The following PAFAH1B2 variants were observed in gnomAD, a reference collection of about 807,000 sequenced individuals.
PAFAH1B2 encodes the protein platelet activating factor acetylhydrolase 1b catalytic subunit 2.
PAFAH1B2 carries 8 observed loss-of-function variants against 28.0 expected under a neutral mutation model. The observed-to-expected ratio is 0.29, with a 90% confidence interval of 0.17 to 0.52. The LOEUF (loss-of-function observed/expected upper bound fraction) is 0.52, where lower values mean the gene tolerates loss of function less well. PAFAH1B2 is among the 20% of genes least tolerant of loss of function. The pLI is 0.97. For missense variants in PAFAH1B2, 190 were observed against 282.6 expected (o/e 0.67, Z 2.35); for synonymous variants, 104 against 103.2 (o/e 1.01, Z -0.05).
downstream of PAFAH1B2, among the ~76,000 whole-genome samples, chr11:117,174,473 C>T (rs932253762): frequency 1.8e-4 from 26 of 141,912 alleles, no homozygotes; most frequent in African/African-American, 5.8e-4. Flanking sequence ...CGTGAGTCAC[C>T]GCCCCTGGCC....
Position 117,152,424 on chromosome 11 carries a change from T to C in PAFAH1B2, c.-7-17T>C, listed in dbSNP as rs1237534493. 4 of 1,513,654 alleles carry C rather than the reference T, an allele frequency of 2.6e-6. No individual in the cohort carries two copies. The highest frequency in any genetic ancestry group is 3.7e-6 in the Non-Finnish European group (4 of 1,088,654). 93.8% of individuals were successfully genotyped at this position (1,513,654 alleles called of 1,614,324 possible). On this transcript the variant is annotated splice_polypyrimidine_tract_variant and intron_variant, in intron 1 of 5. Coordinates refer to ENST00000527958, the MANE Select transcript of PAFAH1B2 (RefSeq NM_002572.4). The stretch of plus-strand genomic sequence containing the variant: ...TCCTGTTAACAAATGAAACATGACA[T>C]AGACGTTTTTTCTCAGGTGTAGAAT...
At chr11:117,158,494 A>G (rs759286267) in intron 2 of PAFAH1B2, among the ~76,000 whole-genome samples, 1 of 152,206 alleles carries the variant, frequency 6.6e-6, no homozygotes, top group Non-Finnish European at 1.5e-5. Context: ...GATATTTTCA[A>G]AGTCTGCATT....
downstream of PAFAH1B2, among the ~76,000 whole-genome samples, chr11:117,172,949 C>T (rs931065288): frequency 5.3e-5 from 8 of 152,204 alleles, no homozygotes; most frequent in East Asian, 1.9e-4. Context: ...GCAATCGGCC[C>T]GCCTTAGCCT....
At chr11:117,145,108 T>G (rs1384187785) in intron 1 of PAFAH1B2, among the ~76,000 whole-genome samples, 1 of 152,178 alleles carries the variant, frequency 6.6e-6, no homozygotes, top group African/African-American at 2.4e-5. Flanking sequence ...TAGACATGAA[T>G]GTGCTCGGAG....
chr11:117,170,980 C>T lies in PAFAH1B2; in HGVS notation c.*3281C>T. 1 of 1,049,800 alleles carries T rather than the reference C, an allele frequency of 9.5e-7. No homozygotes were observed. The highest frequency in any genetic ancestry group is 1.2e-6 in the Non-Finnish European group (1 of 869,514). The allele number at this position is 1,049,800 out of a possible 1,614,324, so 65.0% of individuals were successfully genotyped here. On this transcript the variant is annotated 3_prime_UTR_variant, in exon 6 of 6. Transcript: ENST00000527958. ...TTGTGATTTTGCTTTGGCAAAGTTTCATTGACTAGTAGAACTCATTCTGTT... is the reference window on the plus strand; with the variant it reads ...TTGTGATTTTGCTTTGGCAAAGTTTTATTGACTAGTAGAACTCATTCTGTT...
chr11:117,155,102 A>G (rs1956230352), intron 2 of PAFAH1B2, among the ~76,000 whole-genome samples: 1 of 151,788 alleles, frequency 6.6e-6, no homozygotes, highest in South Asian at 2.1e-4. Flanking sequence ...ACAGGCACCC[A>G]CCTCCATGCC....
chr11:117,176,973 T>G (rs1486678805), downstream of PAFAH1B2: 1 of 150,390 alleles, frequency 6.6e-6, no homozygotes, highest in Admixed American at 6.6e-5. Flanking sequence ...TTTGGGAGAC[T>G]GAGGTGGGTG....
Position 117,148,027 on chromosome 11 carries a change from T to C in PAFAH1B2, c.-8+3609T>C, listed in dbSNP as rs150235805. Among the ~76,000 whole-genome samples the C allele has an allele frequency of 4.0e-4, 61 of 152,060 alleles. 1 individual carries two copies. The East Asian group carries it at 6.2e-3, about 15-fold the overall frequency. ...AGTGAAACAACTTAGTAAATTAGAA[T>C]TAGAATTTATCTTTTTTCTTTTTTT... On this transcript the variant is annotated intron_variant, in intron 1 of 5. Transcript: ENST00000527958.
intron 2 of PAFAH1B2, among the ~76,000 whole-genome samples, chr11:117,155,726 A>G (rs141377990): frequency 3.2e-4 from 48 of 152,222 alleles, no homozygotes; most frequent in African/African-American, 1.1e-3. Context: ...CACTTACTAG[A>G]TTCACAAAAA....
At chr11:117,172,548 C>G (rs1296499641), downstream of PAFAH1B2, among the ~76,000 whole-genome samples, 1 of 151,782 alleles carries the variant, frequency 6.6e-6, no homozygotes, top group Non-Finnish European at 1.5e-5. Flanking sequence ...AATGTAACAT[C>G]TAACAGTCTC....
chr11:117,172,388 ATATATATATATATATATTTTT>A (rs1956685968), downstream of PAFAH1B2, among the ~76,000 whole-genome samples: 5 of 1,840 alleles, frequency 2.7e-3, no homozygotes, highest in African/African-American at 7.8e-3. Flanking sequence ...ATATATATAT[ATATATATATATATATATTTTT>A]TTTTTTTTTT....
rs1405393402 is a variant in PAFAH1B2 at position 117,159,975 on chromosome 11, T to C, written c.123T>C (p.Asp41=). The change falls in exon 3 of 6, where the codon GAT becomes GAC. Residue 41 remains aspartate, a synonymous_variant. Coordinates refer to ENST00000527958, the MANE Select transcript of PAFAH1B2 (RefSeq NM_002572.4). ...TGGACTGTAAAGACAAAGAGCCTGA[T>C]GTACTGTTCGTGGGAGACTCCATGG... The part of the protein sequence containing the change: ...FVLDCKDKEP[D]VLFVGDSMVQ... 2 of 1,614,042 alleles carry C rather than the reference T, an allele frequency of 1.2e-6. No individual in the cohort carries two copies. Among genetic ancestry groups the C allele is most frequent in the East Asian group, 2.2e-5 (1 of 44,876 alleles).
rs373116164 is a variant in PAFAH1B2 at position 117,168,680 on chromosome 11, T to TG, written c.*986dup. The TG allele has an allele frequency of 1.9e-6, 2 of 1,058,840 alleles. No homozygotes were observed. The highest frequency in any genetic ancestry group is 1.1e-6 in the Non-Finnish European group (1 of 874,766). 65.6% of individuals were successfully genotyped at this position (1,058,840 alleles called of 1,614,324 possible). A position where few individuals can be genotyped will look rare whatever the true frequency, so the allele number is the denominator to read the frequency against. ...CTTAAAACCTGTTAACAGTTTTTTT[T>TG]GGGGGTGGGGGGATTCAGAACTCTT... On this transcript the variant is annotated 3_prime_UTR_variant, in exon 6 of 6. Coordinates refer to ENST00000527958, the MANE Select transcript of PAFAH1B2 (RefSeq NM_002572.4).
At chr11:117,144,829 C>A (rs1163484113) in intron 1 of PAFAH1B2, among the ~76,000 whole-genome samples, 7 of 152,156 alleles carry the variant, frequency 4.6e-5, no homozygotes, top group African/African-American at 1.7e-4. Flanking sequence ...CGCTGCAGCT[C>A]CTGCCCGGGT....
chr11:117,156,571 G>A (rs769440152), intron 2 of PAFAH1B2, among the ~76,000 whole-genome samples: 17 of 152,164 alleles, frequency 1.1e-4, no homozygotes, highest in Non-Finnish European at 2.1e-4. Context: ...TAGTTACTAG[G>A]TTAAGGTGGT....
At position 117,149,269 on chromosome 11, in the gene PAFAH1B2, G is replaced by A. The variant is rs575002205; in HGVS notation, c.-7-3172G>A. ...CTAATTTCTTCAATTTTTTTGTAGA[G>A]ACGGGGTCTCATTATGTTGCCCAGG... is the stretch of plus-strand genomic sequence containing the variant. On this transcript the variant is annotated intron_variant, in intron 1 of 5. Transcript: ENST00000527958. Among the ~76,000 whole-genome samples, 253 of 151,222 alleles carry A rather than the reference G, an allele frequency of 1.7e-3. 1 individual carries two copies. Among genetic ancestry groups the A allele is most frequent in the Non-Finnish European group, 2.8e-3 (191 of 67,848 alleles).
intron 4 of PAFAH1B2, among the ~76,000 whole-genome samples, chr11:117,162,908 T>A (rs1243926790): frequency 6.6e-6 from 1 of 152,088 alleles, no homozygotes; most frequent in Non-Finnish European, 1.5e-5. Context: ...TTACTTGCAG[T>A]CTTGAACTCC....
chr11:117,176,093 C>CT, exon 6 of PAFAH1B2: 1 of 669,366 alleles, frequency 1.5e-6, no homozygotes, highest in Non-Finnish European at 2.6e-6. Flanking sequence ...CAGTACTGGA[C>CT]CAAGGTGCAA....
At chr11:117,151,901 G>T (rs1306272055) in intron 1 of PAFAH1B2, among the ~76,000 whole-genome samples, 1 of 152,000 alleles carries the variant, frequency 6.6e-6, no homozygotes, top group Non-Finnish European at 1.5e-5. Context: ...TAGAGGCAGG[G>T]TTTCACCATG....
Sources: allele counts gnomAD v4.1 joint callset (sites outside exome capture counted in the v4.1 genomes callset), GRCh38; gene constraint gnomAD v4.1.1; transcripts MANE v1.5; gene names NCBI Gene and HGNC (gene_info 2026-07-23, HGNC 2026-07-21).